The following GPM6A variants were observed in gnomAD, a reference collection of about 807,000 sequenced individuals.
The protein encoded by GPM6A is neuronal membrane glycoprotein M6-a.
A neutral mutation model predicts 32.1 loss-of-function variants in GPM6A; 7 were observed. The observed-to-expected ratio is 0.22, with a 90% CI of 0.12 to 0.41. The LOEUF is 0.41. GPM6A is among the 10% of genes least tolerant of loss of function. The pLI, the probability that GPM6A is intolerant of heterozygous loss-of-function variation, is 1.00. For missense variants in GPM6A, 235 were observed against 347.2 expected (o/e 0.68, Z 2.57); for synonymous variants, 130 against 123.4 (o/e 1.05, Z -0.35).
At chr4:175,952,388 T>C (rs73873514) in intron 1 of GPM6A, among the ~76,000 whole-genome samples, 8,333 of 152,266 alleles carry the variant, frequency 0.055, 709 homozygotes, top group African/African-American at 0.19. Flanking sequence ...CCATGATGGA[T>C]TGTAGCTTAA....
At chr4:175,688,106 A>C (rs776953455) in intron 2 of GPM6A, among the ~76,000 whole-genome samples, 1 of 152,208 alleles carries the variant, frequency 6.6e-6, no homozygotes, top group Non-Finnish European at 1.5e-5. Flanking sequence ...ATTCCTTACC[A>C]GATAAACAGT....
upstream of GPM6A, among the ~76,000 whole-genome samples, chr4:175,815,470 T>C (rs1411839997): frequency 2.0e-5 from 3 of 152,200 alleles, no homozygotes; most frequent in African/African-American, 7.2e-5. Context: ...TAAAATATAC[T>C]ATATAAAGCT....
intron 4 of GPM6A, among the ~76,000 whole-genome samples, chr4:175,648,770 G>T (rs1236528670): frequency 6.6e-6 from 1 of 151,874 alleles, no homozygotes; most frequent in Non-Finnish European, 1.5e-5. Flanking sequence ...TTTTTCTATA[G>T]TCTGTCTATC....
intron 2 of GPM6A, among the ~76,000 whole-genome samples, chr4:175,684,800 G>A (rs1743881875): frequency 6.6e-6 from 1 of 152,006 alleles, no homozygotes; most frequent in Admixed American, 6.6e-5. Context: ...TTAATATCTT[G>A]TAAGATTAGA....
chr4:175,860,178 G>T (rs1736531720), intron 1 of GPM6A, among the ~76,000 whole-genome samples: 4 of 151,574 alleles, frequency 2.6e-5, no homozygotes, highest in Admixed American at 2.6e-4. Flanking sequence ...ACAAGCAGAA[G>T]TGAGAAGATA....
intron 1 of GPM6A, among the ~76,000 whole-genome samples, chr4:175,984,564 A>C (rs12640996): frequency 1.3e-5 from 2 of 151,956 alleles, no homozygotes; most frequent in Non-Finnish European, 2.9e-5. Flanking sequence ...AAAAAATCCA[A>C]CCTGTTTTTC....
Position 175,671,477 on chromosome 4 carries a change from G to GAAAAAAAAAAAAAAAAA in GPM6A, c.387+2186_387+2202dup, listed in dbSNP as rs544889132. On this transcript the variant is annotated intron_variant, in intron 3 of 6. Coordinates refer to ENST00000393658, the MANE Select transcript of GPM6A (RefSeq NM_201591.3). ...CGTAAGATACAATCTGCCTACAAAC[G>GAAAAAAAAAAAAAAAAA]AAAAAAAAAAAAAAAAAAAAAAAAA... Among the ~76,000 whole-genome samples, 9 of 24,408 alleles carry GAAAAAAAAAAAAAAAAA rather than the reference G, an allele frequency of 3.7e-4. 1 individual carries two copies. Among genetic ancestry groups the GAAAAAAAAAAAAAAAAA allele is most frequent in the African/African-American group, 4.6e-4 (3 of 6,452 alleles). 16.0% of individuals were successfully genotyped at this position (24,408 alleles called of 152,430 possible).
chr4:175,842,632 T>C (rs1164957697), intron 1 of GPM6A, among the ~76,000 whole-genome samples: 1 of 152,162 alleles, frequency 6.6e-6, no homozygotes, highest in Non-Finnish European at 1.5e-5. Context: ...AGGAGTTCAA[T>C]GCTTCAGTGA....
intron 1 of GPM6A, among the ~76,000 whole-genome samples, chr4:175,914,947 C>T (rs1432794928): frequency 2.6e-5 from 4 of 152,128 alleles, no homozygotes; most frequent in African/African-American, 7.2e-5. Flanking sequence ...ACTGGCACAG[C>T]GCACATGCTC....
chr4:175,747,314 T>A (rs1050040232), intron 1 of GPM6A, among the ~76,000 whole-genome samples: 3 of 151,546 alleles, frequency 2.0e-5, no homozygotes, highest in Non-Finnish European at 4.4e-5. Flanking sequence ...AGACATAGTA[T>A]TTTTCATTGC....
intron 1 of GPM6A, among the ~76,000 whole-genome samples, chr4:175,898,942 C>G (rs1737873778): frequency 6.6e-6 from 1 of 152,174 alleles, no homozygotes; most frequent in Non-Finnish European, 1.5e-5. Flanking sequence ...GTTCTCAGTA[C>G]TAGAGTCTAA....
intron 1 of GPM6A, among the ~76,000 whole-genome samples, chr4:175,893,412 C>T (rs1462364190): frequency 6.6e-6 from 1 of 152,112 alleles, no homozygotes; most frequent in South Asian, 2.1e-4. Context: ...AACTGATTCC[C>T]TTAAGAACTC....
intron 1 of GPM6A, among the ~76,000 whole-genome samples, chr4:175,938,567 T>C (rs952024457): frequency 2.0e-5 from 3 of 152,170 alleles, no homozygotes; most frequent in Non-Finnish European, 4.4e-5. Context: ...AAGTGTCTGT[T>C]CATATCCTTC....
At chr4:175,729,786 ATAT>A (rs369378119) in intron 1 of GPM6A, among the ~76,000 whole-genome samples, 1 of 133,896 alleles carries the variant, frequency 7.5e-6, no homozygotes, top group Non-Finnish European at 1.6e-5. Flanking sequence ...TATTTATAAT[ATAT>A]TATCTATTAT....
chr4:175,993,965 T>G (rs955543931), intron 1 of GPM6A, among the ~76,000 whole-genome samples: 2 of 152,190 alleles, frequency 1.3e-5, no homozygotes, highest in African/African-American at 4.8e-5. Context: ...ATATGAAATA[T>G]TTATTATGTT....
At chr4:175,999,811 T>C (rs1741419770) in intron 1 of GPM6A, among the ~76,000 whole-genome samples, 1 of 152,182 alleles carries the variant, frequency 6.6e-6, no homozygotes, top group Admixed American at 6.5e-5. Flanking sequence ...TCTCCTACGC[T>C]GTTTTTCCCT....
intron 2 of GPM6A, among the ~76,000 whole-genome samples, chr4:175,688,849 T>C (rs1421899347): frequency 6.6e-6 from 1 of 152,144 alleles, no homozygotes; most frequent in African/African-American, 2.4e-5. Context: ...TTTCTGTTTT[T>C]TGTTTGTTGG....
At chr4:175,760,081 G>A (rs1732678398) in intron 1 of GPM6A, among the ~76,000 whole-genome samples, 1 of 152,118 alleles carries the variant, frequency 6.6e-6, no homozygotes, top group Non-Finnish European at 1.5e-5. Context: ...TCTGGAGGCT[G>A]AGGCAAGAGA....
chr4:175,743,091 A>G (rs1164286232), intron 1 of GPM6A, among the ~76,000 whole-genome samples: 1 of 152,168 alleles, frequency 6.6e-6, no homozygotes, highest in Admixed American at 6.6e-5. Context: ...TTTAGAAAGA[A>G]AAACATAAAT....
Sources: gnomAD v4.1 joint callset for allele counts (sites outside exome capture counted in the v4.1 genomes callset) on GRCh38, gnomAD v4.1.1 for gene constraint, MANE v1.5 for transcripts, NCBI Gene and HGNC (gene_info 2026-07-23, HGNC 2026-07-21) for gene names.